The following CNTNAP2 variants were observed in gnomAD, a reference collection of about 807,000 sequenced individuals.
The protein encoded by CNTNAP2 is contactin-associated protein-like 2.
CNTNAP2 carries 98 observed loss-of-function variants against 155.2 expected under a neutral mutation model. The observed-to-expected ratio is 0.63, with a 90% CI of 0.54 to 0.75. The LOEUF (loss-of-function observed/expected upper bound fraction) is 0.75, where lower values mean the gene tolerates loss of function less well. Ranked by LOEUF, CNTNAP2 falls within the 30% of genes least tolerant of loss-of-function variation. The probability of loss-of-function intolerance (pLI) is 0.00; values close to 1 mark genes in which losing one functional copy is unlikely to be tolerated. For synonymous variants in CNTNAP2, 651 were observed against 631.2 expected, an observed-to-expected ratio of 1.03 and a Z score of -0.47; for missense variants, 1,727 against 1,688.1, an observed-to-expected ratio of 1.02 and a Z score of -0.40.
chr7:147,838,506 T>C (rs1798668909), intron 13 of CNTNAP2, among the ~76,000 whole-genome samples: 1 of 152,210 alleles, frequency 6.6e-6, no homozygotes, highest in South Asian at 2.1e-4. Flanking sequence ...ACCTCTTCAA[T>C]GTTTTTCTGC....
chr7:146,641,678 T>A (rs1023121995), intron 1 of CNTNAP2, among the ~76,000 whole-genome samples: 1 of 152,194 alleles, frequency 6.6e-6, no homozygotes, highest in African/African-American at 2.4e-5. Context: ...TAGATTGTAT[T>A]CCCTTTGATC....
chr7:148,078,504 G>T (rs1007045793), intron 15 of CNTNAP2, among the ~76,000 whole-genome samples: 1 of 150,760 alleles, frequency 6.6e-6, no homozygotes, highest in Non-Finnish European at 1.5e-5. Context: ...ATATTAGGCC[G>T]AGTTTCATTT....
intron 1 of CNTNAP2, among the ~76,000 whole-genome samples, chr7:146,390,135 T>G (rs1394882557): frequency 2.0e-5 from 3 of 152,212 alleles, no homozygotes; most frequent in Non-Finnish European, 2.9e-5. Context: ...TGTGCAATAT[T>G]ACTTTGTTAA....
chr7:147,427,939 G>A (rs534860703), intron 10 of CNTNAP2, among the ~76,000 whole-genome samples: 1 of 151,854 alleles, frequency 6.6e-6, no homozygotes, highest in Non-Finnish European at 1.5e-5. Flanking sequence ...TAAAAGAAAG[G>A]GTATAAGGCA....
At chr7:148,364,764 G>C (rs1403854467) in intron 21 of CNTNAP2, among the ~76,000 whole-genome samples, 2 of 152,222 alleles carry the variant, frequency 1.3e-5, no homozygotes, top group Admixed American at 1.3e-4. Flanking sequence ...GGTGGGGCCA[G>C]ATAAGAGAAT....
intron 23 of CNTNAP2, among the ~76,000 whole-genome samples, chr7:148,410,305 T>TA (rs1245160316): frequency 6.6e-6 from 1 of 151,392 alleles, no homozygotes; most frequent in African/African-American, 2.4e-5. Context: ...TGCAGTGACT[T>TA]ACGCCTGTAA....
intron 20 of CNTNAP2, among the ~76,000 whole-genome samples, chr7:148,235,975 G>A (rs1292337023): frequency 3.4e-5 from 5 of 147,980 alleles, no homozygotes; most frequent in South Asian, 2.5e-4. Flanking sequence ...GTGAGCCACC[G>A]CGCCTGGCTA....
intron 8 of CNTNAP2, among the ~76,000 whole-genome samples, chr7:147,176,731 A>AATTCT (rs1802349205): frequency 1.6e-5 from 2 of 121,294 alleles, no homozygotes; most frequent in African/African-American, 3.0e-5. Context: ...TATTATATAT[A>AATTCT]ATAGAATTAT....
At chr7:146,410,054 C>T (rs566740137) in intron 1 of CNTNAP2, among the ~76,000 whole-genome samples, 2 of 152,252 alleles carry the variant, frequency 1.3e-5, no homozygotes, top group South Asian at 4.1e-4. Flanking sequence ...GGTATATTTG[C>T]AGTAAAGTAT....
chr7:147,537,549 C>G (rs1429123970), intron 11 of CNTNAP2, among the ~76,000 whole-genome samples: 1 of 151,544 alleles, frequency 6.6e-6, no homozygotes, highest in Non-Finnish European at 1.5e-5. Context: ...CAAAGGCCAT[C>G]TCTGTCATTT....
rs56287346 is a variant in CNTNAP2, at chr7:146,322,634, C to CTTTTTTTT, written c.97+205672_97+205679dup. On this transcript the variant is annotated intron_variant, in intron 1 of 23. Transcript: ENST00000361727. ...AAGAGGAGACTGTTGTGTTCATTCTCTTTTTTTTTTTTTTTTTTGCTGGCT... is the reference window on the plus strand; with the variant it reads ...AAGAGGAGACTGTTGTGTTCATTCTCTTTTTTTTTTTTTTTTTTTTTTTTTTGCTGGCT... Among the ~76,000 whole-genome samples the CTTTTTTTT allele has an allele frequency of 6.4e-3, 414 of 64,938 alleles. 69 individuals carry two copies. Among genetic ancestry groups the CTTTTTTTT allele is most frequent in the African/African-American group, 0.018 (319 of 18,002 alleles). 42.6% of individuals were successfully genotyped at this position (64,938 alleles called of 152,430 possible).
rs541636020 is a variant in CNTNAP2, at chr7:148,418,043, G to A, written c.*2427G>A. 6.6e-6 allele frequency: 1 copy of A among 152,098 alleles called. No individual in the cohort carries two copies. The highest frequency in any genetic ancestry group is 1.5e-5 in the Non-Finnish European group (1 of 68,044). The allele number at this position is 152,098 out of a possible 1,614,324, so 9.4% of individuals were successfully genotyped here. A position where few individuals can be genotyped will look rare whatever the true frequency, so the allele number is the denominator to read the frequency against. On this transcript the variant is annotated 3_prime_UTR_variant, in exon 24 of 24. Coordinates refer to ENST00000361727, the MANE Select transcript of CNTNAP2 (RefSeq NM_014141.6). ...ATAGGACACTGTCTTCCTTCAAGAGGGTTACAATGTGGCCATCAGACAGGA... is the reference window on the plus strand; with the variant it reads ...ATAGGACACTGTCTTCCTTCAAGAGAGTTACAATGTGGCCATCAGACAGGA...
chr7:147,140,837 G>A (rs902429942), intron 8 of CNTNAP2, among the ~76,000 whole-genome samples: 2 of 152,102 alleles, frequency 1.3e-5, no homozygotes, highest in African/African-American at 4.8e-5. Context: ...AGCCTCTGGA[G>A]CTCATTGGTA....
chr7:146,667,723 T>A (rs932511581), intron 1 of CNTNAP2, among the ~76,000 whole-genome samples: 20 of 152,026 alleles, frequency 1.3e-4, no homozygotes, highest in African/African-American at 3.9e-4. Context: ...TTCCTCTTTT[T>A]TTTTTTGTAC....
chr7:147,376,008 T>C (rs1796427256), intron 9 of CNTNAP2, among the ~76,000 whole-genome samples: 1 of 152,034 alleles, frequency 6.6e-6, no homozygotes, highest in African/African-American at 2.4e-5. Context: ...CTGTATGACA[T>C]TGGGGCTGAG....
At chr7:146,903,743 T>C (rs1338096164) in intron 3 of CNTNAP2, among the ~76,000 whole-genome samples, 3 of 152,102 alleles carry the variant, frequency 2.0e-5, no homozygotes, top group Non-Finnish European at 4.4e-5. Context: ...AGAGAAGATA[T>C]TAATCAAAGG....
intron 8 of CNTNAP2, among the ~76,000 whole-genome samples, chr7:147,297,222 A>G (rs904733187): frequency 1.3e-5 from 2 of 152,184 alleles, no homozygotes; most frequent in East Asian, 3.9e-4. Flanking sequence ...TTGGCCATCT[A>G]TGAAACCTAG....
intron 9 of CNTNAP2, among the ~76,000 whole-genome samples, chr7:147,306,617 G>T (rs1014239006): frequency 6.6e-6 from 1 of 152,198 alleles, no homozygotes; most frequent in Non-Finnish European, 1.5e-5. Flanking sequence ...CACATTCTAC[G>T]TGGAACTAAC....
chr7:147,170,704 T>G (rs1395532700), intron 8 of CNTNAP2, among the ~76,000 whole-genome samples: 1 of 152,142 alleles, frequency 6.6e-6, no homozygotes. Context: ...TGGGTTGGGT[T>G]GGGTTCTGGG....
Sources: allele counts gnomAD v4.1 joint callset (sites outside exome capture counted in the v4.1 genomes callset), GRCh38; gene constraint gnomAD v4.1.1; transcripts MANE v1.5; gene names NCBI Gene and HGNC (gene_info 2026-07-23, HGNC 2026-07-21).